The following NFATC4 variants were observed in gnomAD, a reference collection of about 807,000 sequenced individuals.
NFATC4 encodes the protein nuclear factor of activated T-cells, cytoplasmic 4.
NFATC4 carries 25 observed loss-of-function variants against 73.4 expected under a neutral mutation model. That is an observed-to-expected ratio of 0.34 (90% CI 0.25 to 0.48). The LOEUF (loss-of-function observed/expected upper bound fraction) is 0.48. Ranked by LOEUF, NFATC4 falls within the 20% of genes least tolerant of loss-of-function variation. The pLI is 0.99. For synonymous variants in NFATC4, 523 were observed against 510.3 expected, an observed-to-expected ratio of 1.02 and a Z score of -0.34; for missense variants, 1,130 against 1,203.7, an observed-to-expected ratio of 0.94 and a Z score of 0.91.
chr14:24,368,880 A>C, intron 1 of NFATC4: 1 of 191,464 alleles, frequency 5.2e-6, no homozygotes, highest in Non-Finnish European at 9.8e-6. Flanking sequence ...TCTGGCCGCA[A>C]TGAGAGGCAG....
In NFATC4 at chr14:24,373,404, G is replaced by T. The variant is rs746066757; in HGVS notation, c.1559+34G>T. ...CATGCAACTTCCCCTCAGTCCGCAG[G>T]CTTTGTACTAGCTTTCTCCACTGGG... On this transcript the variant is annotated intron_variant, in intron 4 of 9. Transcript: ENST00000250373. This position sits in a 1 kb window ranked among gnomAD's most constrained non-coding sequence, Gnocchi z 4.7. The T allele has an allele frequency of 6.2e-7, 1 of 1,609,708 alleles. No individual in the cohort carries two copies. Among genetic ancestry groups the T allele is most frequent in the East Asian group, 2.2e-5 (1 of 44,834 alleles).
chr14:24,374,539 G>A, intron 6 of NFATC4, 73 bp downstream of exon 6: 1 of 1,474,678 alleles, frequency 6.8e-7, no homozygotes, highest in Non-Finnish European at 9.2e-7. Context: ...CTCTGGCATT[G>A]TCACTAAACT....
Position 24,374,454 on chromosome 14 carries a change from G to C in NFATC4, c.1861G>C (p.Glu621Gln), listed in dbSNP as rs149708694. 6.2e-7 allele frequency: 1 copy of C among 1,613,450 alleles called. No individual in the cohort carries two copies. The highest frequency in any genetic ancestry group is 8.5e-7 in the Non-Finnish European group (1 of 1,179,588). The change falls in exon 6 of 10, where the codon GAG (glutamate) becomes CAG (glutamine). Residue 621 changes from glutamate (E) to glutamine (Q), a missense_variant. By Grantham distance (29) the Glu-to-Gln change is conservative. Around this residue, in one of 3 missense-constraint regions of NFATC4, gnomAD observed 390 missense variants for 408.1 expected, o/e 0.96. Transcript: ENST00000250373. ...GCCAGACTCCAAGGTGGTGTTCATT[G>C]AGAGGGGTCCTGGTGAGTACCTGCT... Reference protein sequence around the residue: ...FLPDSKVVFIERGPDGKLQWE... With the variant: ...FLPDSKVVFIQRGPDGKLQWE...
upstream of NFATC4, chr14:24,368,034 G>A (rs1373403151): frequency 2.9e-6 from 3 of 1,043,154 alleles, no homozygotes; most frequent in Non-Finnish European, 3.5e-6. Context: ...AGAGGACAGA[G>A]GGAGGGAGGG....
chr14:24,367,700 T>A (rs1242771421), upstream of NFATC4: 1 of 1,527,400 alleles, frequency 6.5e-7, no homozygotes, highest in South Asian at 1.2e-5. Context: ...AGCAACTCGG[T>A]GCCACTCTGC....
chr14:24,374,283 C>T (rs779982835), intron 5 of NFATC4, 43 bp from the exon 6 acceptor site: 5 of 1,572,172 alleles, frequency 3.2e-6, no homozygotes. Context: ...GCCACCCCTC[C>T]ATGCCCAGCC....
In NFATC4 at chr14:24,377,530, C is replaced by A; in HGVS notation, c.2642-108C>A. On this transcript the variant is annotated intron_variant, in intron 9 of 9. Coordinates refer to ENST00000250373, the MANE Select transcript of NFATC4 (RefSeq NM_004554.5). This position sits in a 1 kb window ranked among gnomAD's most constrained non-coding sequence, Gnocchi z 4.2. ...GAATAGAAGCCAGTAGAGGAGGAAT[C>A]TAGAGGCCTCCTAGATTAAGACCTG... 1 of 1,564,600 alleles carries A rather than the reference C, an allele frequency of 6.4e-7. No homozygotes were observed. Among genetic ancestry groups the A allele is most frequent in the South Asian group, 1.2e-5 (1 of 84,060 alleles).
upstream of NFATC4, chr14:24,367,710 C>A (rs1344235600): frequency 6.6e-7 from 1 of 1,513,282 alleles, no homozygotes; most frequent in Non-Finnish European, 8.8e-7. Flanking sequence ...TGCCACTCTG[C>A]CCCCAGGACC....
At chr14:24,371,320 CACT>C (rs1833481337) in intron 2 of NFATC4, among the ~76,000 whole-genome samples, 1 of 152,220 alleles carries the variant, frequency 6.6e-6, no homozygotes, top group African/African-American at 2.4e-5. Flanking sequence ...GTTAATTCAG[CACT>C]ACTATTTTGA....
Position 24,370,993 on chromosome 14 carries a change from C to T in NFATC4, c.1196+399C>T, listed in dbSNP as rs569524650. 3.3e-5 allele frequency among the ~76,000 whole-genome samples: 5 copies of T among 152,326 alleles called. No individual in the cohort carries two copies. The South Asian group carries it at 1.0e-3, about 32-fold the overall frequency. Reference sequence around the variant, plus strand: ...TCCACTCTGGCCCTTTCAATAGGTGCCAGACCTAAGCAGATTTCCACTCTG... The same window carrying T: ...TCCACTCTGGCCCTTTCAATAGGTGTCAGACCTAAGCAGATTTCCACTCTG... On this transcript the variant is annotated intron_variant, in intron 2 of 9. Transcript: ENST00000250373.
chr14:24,372,682 C>G, intron 3 of NFATC4, 79 bp downstream of exon 3: 1 of 1,546,106 alleles, frequency 6.5e-7, no homozygotes, highest in African/African-American at 1.4e-5. Flanking sequence ...TGGCACTGCC[C>G]TTTCCCACAC....
At chr14:24,371,705 T>A (rs1449312326) in intron 2 of NFATC4, 1 of 152,772 alleles carries the variant, frequency 6.5e-6, no homozygotes, top group Non-Finnish European at 1.5e-5. Context: ...TCTTTTTTTT[T>A]TCTTTGAGAC....
intron 5 of NFATC4, 140 bp downstream of exon 5, chr14:24,374,007 C>T (rs1254624536): frequency 7.8e-7 from 1 of 1,274,604 alleles, no homozygotes; most frequent in South Asian, 1.3e-5. Context: ...CAGCTTCTTT[C>T]TATTCTAGTT....
At chr14:24,367,303 A>G (rs1162716438), upstream of NFATC4, 2 of 1,555,554 alleles carry the variant, frequency 1.3e-6, no homozygotes, top group African/African-American at 2.7e-5. Context: ...TCAGGCCCCT[A>G]GTAAACCTGG....
chr14:24,370,688 C>G, intron 2 of NFATC4, 94 bp downstream of exon 2: 1 of 1,469,216 alleles, frequency 6.8e-7, no homozygotes, highest in East Asian at 2.3e-5. Context: ...TAGTTTCATG[C>G]CCTCTGAATT....
In NFATC4 at chr14:24,376,019, T is replaced by G. The variant is rs111783265; in HGVS notation, c.1974T>G (p.Val658=). The stretch of plus-strand genomic sequence containing the variant: ...TCCCCGAGTACAGCAACAAGAGGGT[T>G]TCCCGGCCAGTCCAGGTCTACTTTT... ...LTVPEYSNKR[V]SRPVQVYFYV... is the part of the protein sequence containing the mutation. Residue 658 remains valine, a synonymous_variant, in exon 8 of 10, where the codon GTT becomes GTG. Coordinates refer to ENST00000250373, the MANE Select transcript of NFATC4 (RefSeq NM_004554.5). The surrounding 1 kb of genome is among the most constrained non-coding windows in gnomAD (Gnocchi z 5.0). 3.1e-6 allele frequency: 5 copies of G among 1,614,064 alleles called. No individual in the cohort carries two copies. The African/African-American group carries it at 5.3e-5, about 17-fold the overall frequency.
intron 2 of NFATC4, among the ~76,000 whole-genome samples, chr14:24,371,528 G>A (rs2042471463): frequency 6.6e-6 from 1 of 152,154 alleles, no homozygotes; most frequent in Admixed American, 6.5e-5. Context: ...CTGTCCTAGG[G>A]TATCAGGGAG....
intron 2 of NFATC4, 187 bp from the exon 3 acceptor site, chr14:24,372,250 ATTTC>A: frequency 1.6e-6 from 1 of 620,588 alleles, no homozygotes; most frequent in Non-Finnish European, 2.7e-6. Context: ...GGATTTCTTC[ATTTC>A]TTTGTCCTTT....
At chr14:24,367,244 G>A (rs574211280), upstream of NFATC4, 127 of 1,611,770 alleles carry the variant, frequency 7.9e-5, no homozygotes, top group Non-Finnish European at 1.0e-4. Flanking sequence ...TTGGGGGCGG[G>A]GGGGCCAAGG....
Sources: allele counts gnomAD v4.1 joint callset (sites outside exome capture counted in the v4.1 genomes callset), GRCh38; gene constraint gnomAD v4.1.1; regional missense constraint gnomAD v4.1.1; non-coding constraint Gnocchi (gnomAD v3.1); transcripts MANE v1.5; gene names NCBI Gene and HGNC (gene_info 2026-07-23, HGNC 2026-07-21).